Variants in CDH12 observed in about 807,000 individuals in gnomAD.
CDH12 encodes the protein cadherin 12, also known as cadherin-12.
Under a neutral mutation model 74.1 loss-of-function variants are expected in CDH12, and 41 were observed. That is an observed-to-expected ratio of 0.55 (90% CI 0.43 to 0.72). CDH12 has a LOEUF of 0.72. CDH12 is among the 30% of genes least tolerant of loss of function. The probability of loss-of-function intolerance (pLI) is 0.00; values close to 1 mark genes in which losing one functional copy is unlikely to be tolerated. For missense variants in CDH12, 945 were observed against 977.2 expected (o/e 0.97, Z 0.44); for synonymous variants, 399 against 355.0 (o/e 1.12, Z -1.39).
chr5:22,527,459 A>G (rs910645353), intron 1 of CDH12, among the ~76,000 whole-genome samples: 1 of 152,160 alleles, frequency 6.6e-6, no homozygotes, highest in African/African-American at 2.4e-5. Context: ...CTAGGAACAC[A>G]CTGATGACCT....
intron 1 of CDH12, among the ~76,000 whole-genome samples, chr5:22,754,615 G>A (rs1745790938): frequency 2.0e-5 from 3 of 151,584 alleles, no homozygotes; most frequent in Non-Finnish European, 2.9e-5. Flanking sequence ...CTGAGAAGAT[G>A]AGAGAGTCAA....
intron 6 of CDH12, among the ~76,000 whole-genome samples, chr5:21,928,558 C>G (rs1469928594): frequency 1.3e-5 from 2 of 152,196 alleles, no homozygotes; most frequent in Admixed American, 6.5e-5. Context: ...GCGATGGAAA[C>G]AGAAAATATG....
intron 2 of CDH12, among the ~76,000 whole-genome samples, chr5:22,498,738 G>A (rs939008971): frequency 1.7e-4 from 26 of 151,504 alleles, no homozygotes; most frequent in African/African-American, 6.1e-4. Context: ...AATTGTATAA[G>A]TTTACAGGGT....
At chr5:22,184,534 C>G (rs770567933) in intron 4 of CDH12, among the ~76,000 whole-genome samples, 3 of 152,140 alleles carry the variant, frequency 2.0e-5, no homozygotes, top group Non-Finnish European at 4.4e-5. Context: ...AATTGTGAAA[C>G]TAGTGGCCCA....
At chr5:22,135,863 T>A (rs1370851448) in intron 4 of CDH12, among the ~76,000 whole-genome samples, 4 of 151,886 alleles carry the variant, frequency 2.6e-5, no homozygotes, top group Non-Finnish European at 5.9e-5. Context: ...AGACTTGCAG[T>A]GAATTACATT....
chr5:22,408,629 G>A (rs559837002), intron 2 of CDH12, among the ~76,000 whole-genome samples: 9 of 150,068 alleles, frequency 6.0e-5, no homozygotes, highest in Middle Eastern at 3.5e-3. Flanking sequence ...TACATATATA[G>A]TACACATGCA....
chr5:22,282,464 A>G (rs1294506612), intron 3 of CDH12, among the ~76,000 whole-genome samples: 1 of 152,166 alleles, frequency 6.6e-6, no homozygotes, highest in Non-Finnish European at 1.5e-5. Context: ...GGCAACCTAC[A>G]GAATGGGAGA....
At chr5:22,819,236 G>A (rs1363039173) in intron 1 of CDH12, among the ~76,000 whole-genome samples, 7 of 152,082 alleles carry the variant, frequency 4.6e-5, no homozygotes, top group African/African-American at 1.7e-4. Flanking sequence ...AGGTGACAAA[G>A]TGATCCTGCT....
At chr5:22,440,616 G>T (rs1370055202) in intron 2 of CDH12, among the ~76,000 whole-genome samples, 1 of 152,078 alleles carries the variant, frequency 6.6e-6, no homozygotes, top group African/African-American at 2.4e-5. Context: ...TTGCTCTAGG[G>T]TAGAACTGAA....
At chr5:22,358,396 G>C (rs1740654561) in intron 3 of CDH12, among the ~76,000 whole-genome samples, 1 of 151,892 alleles carries the variant, frequency 6.6e-6, no homozygotes, top group African/African-American at 2.4e-5. Flanking sequence ...CTGGAAGATA[G>C]AGCGAGACTC....
At chr5:22,029,815 TA>T (rs1451661355) in intron 5 of CDH12, among the ~76,000 whole-genome samples, 7 of 151,848 alleles carry the variant, frequency 4.6e-5, no homozygotes, top group Non-Finnish European at 1.0e-4. Context: ...CATGCACACA[TA>T]TGTTTATTGC....
intron 1 of CDH12, among the ~76,000 whole-genome samples, chr5:22,750,917 GAA>G (rs34040056): frequency 1.4e-5 from 2 of 141,046 alleles, no homozygotes; most frequent in African/African-American, 5.2e-5. Flanking sequence ...AAATCATAGT[GAA>G]AAAAAAAAAA....
intron 3 of CDH12, among the ~76,000 whole-genome samples, chr5:22,321,658 TA>T (rs891949006): frequency 2.0e-5 from 3 of 151,782 alleles, no homozygotes; most frequent in Non-Finnish European, 2.9e-5. Context: ...AAAAATAAAT[TA>T]AAAAAAAGAA....
intron 4 of CDH12, among the ~76,000 whole-genome samples, chr5:22,123,617 CA>C (rs748412293): frequency 2.0e-5 from 3 of 152,130 alleles, no homozygotes; most frequent in Non-Finnish European, 2.9e-5. Context: ...ATAAGGCATA[CA>C]GATGATTGAT....
chr5:22,175,179 C>A (rs918653146), intron 4 of CDH12, among the ~76,000 whole-genome samples: 3 of 151,880 alleles, frequency 2.0e-5, no homozygotes, highest in African/African-American at 7.3e-5. Context: ...TTAGTTCTTT[C>A]TTTTAGGTTT....
At chr5:22,653,511 A>G (rs1372382194) in intron 1 of CDH12, among the ~76,000 whole-genome samples, 1 of 151,760 alleles carries the variant, frequency 6.6e-6, no homozygotes, top group African/African-American at 2.4e-5. Flanking sequence ...ATGCCACAAT[A>G]TATCTACCAG....
chr5:22,609,848 T>A (rs201605412), intron 1 of CDH12, among the ~76,000 whole-genome samples: 1 of 152,322 alleles, frequency 6.6e-6, no homozygotes, highest in East Asian at 1.9e-4. Flanking sequence ...TTAGAGTAAG[T>A]CAAATAAAGT....
chr5:22,244,738 A>AG (rs1752873068), intron 3 of CDH12, among the ~76,000 whole-genome samples: 1 of 113,848 alleles, frequency 8.8e-6, no homozygotes, highest in Non-Finnish European at 1.8e-5. Flanking sequence ...AAAGAAAGAA[A>AG]GAAAAGAAAG....
At chr5:22,132,449 A>T (rs1309616440) in intron 4 of CDH12, among the ~76,000 whole-genome samples, 1 of 151,906 alleles carries the variant, frequency 6.6e-6, no homozygotes, top group Non-Finnish European at 1.5e-5. Flanking sequence ...CGCATCCACG[A>T]TTTTAAGATG....
Sources: gnomAD v4.1 joint callset for allele counts (sites outside exome capture counted in the v4.1 genomes callset) on GRCh38, gnomAD v4.1.1 for gene constraint, MANE v1.5 for transcripts, NCBI Gene and HGNC (gene_info 2026-07-23, HGNC 2026-07-21) for gene names.